CLIP4: variants seen among roughly 807,000 people sequenced by gnomAD.
CLIP4 encodes the protein CAP-Gly domain-containing linker protein 4.
Under a neutral mutation model 73.1 loss-of-function variants are expected in CLIP4, and 47 were observed. The ratio of observed to expected loss-of-function variants is 0.64; its 90% CI spans 0.51 to 0.82. The LOEUF (loss-of-function observed/expected upper bound fraction) is 0.82, where lower values mean the gene tolerates loss of function less well. Among genes scored for constraint, CLIP4 ranks in the 40% least tolerant of loss-of-function variants. The pLI, the probability that CLIP4 is intolerant of heterozygous loss-of-function variation, is 0.00. For synonymous variants in CLIP4, 306 were observed against 295.4 expected (o/e 1.04, Z -0.37); for missense variants, 874 against 852.9 (o/e 1.02, Z -0.31).
chr2:29,154,361 A>C (rs1360218290), intron 9 of CLIP4, among the ~76,000 whole-genome samples: 5 of 152,074 alleles, frequency 3.3e-5, no homozygotes, highest in Non-Finnish European at 7.4e-5. Context: ...CTTGTTTCCC[A>C]TCCAGTCCCC....
At chr2:29,173,809 A>G (rs1218636222) in intron 14 of CLIP4, among the ~76,000 whole-genome samples, 3 of 152,210 alleles carry the variant, frequency 2.0e-5, no homozygotes, top group Non-Finnish European at 4.4e-5. Context: ...GGAGAGGCCA[A>G]CAATCAAAAG....
At position 29,177,552 on chromosome 2, in the gene CLIP4, G is replaced by T. The variant is rs115196538; in HGVS notation, c.1796+3107G>T. Among the ~76,000 whole-genome samples, 659 of 152,038 alleles carry T rather than the reference G, an allele frequency of 4.3e-3. 3 individuals are homozygous for T. Among genetic ancestry groups the T allele is most frequent in the African/African-American group, 0.015 (619 of 41,496 alleles). On this transcript the variant is annotated intron_variant, in intron 15 of 15. Transcript: ENST00000320081. ...GCCTAGATTGCTCCACTGCATTCCA[G>T]CCTGGGTGACAGCAAGACTCTGTTT...
At chr2:29,107,358 GTTTTTTTTTT>G (rs796180363) in intron 1 of CLIP4, among the ~76,000 whole-genome samples, 109 of 65,336 alleles carry the variant, frequency 1.7e-3, no homozygotes, top group Non-Finnish European at 2.9e-3. Context: ...GAACATGATA[GTTTTTTTTTT>G]TTTTTTTTTT....
intron 8 of CLIP4, among the ~76,000 whole-genome samples, chr2:29,150,477 G>C (rs1404716105): frequency 6.6e-6 from 1 of 152,016 alleles, no homozygotes; most frequent in Non-Finnish European, 1.5e-5. Context: ...ACATTATTAT[G>C]ACATTAATGA....
chr2:29,117,493 G>A (rs1663943268), intron 1 of CLIP4, among the ~76,000 whole-genome samples: 2 of 152,076 alleles, frequency 1.3e-5, no homozygotes, highest in Non-Finnish European at 2.9e-5. Flanking sequence ...ACAGGCGCCT[G>A]CTACCACACC....
intron 12 of CLIP4, among the ~76,000 whole-genome samples, chr2:29,161,358 A>G (rs1667279175): frequency 6.6e-6 from 1 of 152,202 alleles, no homozygotes; most frequent in Non-Finnish European, 1.5e-5. Context: ...TTTAGATAGC[A>G]ATATGCTATT....
intron 8 of CLIP4, among the ~76,000 whole-genome samples, chr2:29,149,665 A>G (rs1223065847): frequency 6.6e-6 from 1 of 151,640 alleles, no homozygotes; most frequent in African/African-American, 2.4e-5. Flanking sequence ...GAGGCCGCCC[A>G]TATGCTATGC....
chr2:29,110,411 CAT>C lies in CLIP4; in HGVS notation c.-15-10961_-15-10960del, dbSNP rs1355967568. Among the ~76,000 whole-genome samples, 5 of 152,196 alleles carry C rather than the reference CAT, an allele frequency of 3.3e-5. No homozygotes were observed. In the East Asian group the frequency reaches 9.6e-4, roughly 29 times the overall value. ...TGTGAATTTACTTAATAAATGATAT[CAT>C]AAACTTTTTGAAGAATGAAGACAGG... On this transcript the variant is annotated intron_variant, in intron 1 of 14. Coordinates refer to the CLIP4 transcript ENST00000401605.
intron 8 of CLIP4, among the ~76,000 whole-genome samples, chr2:29,151,125 T>G (rs1490923030): frequency 1.3e-5 from 2 of 152,166 alleles, no homozygotes; most frequent in African/African-American, 4.8e-5. Flanking sequence ...TTCTCATGAT[T>G]CATTTCCAGA....
At chr2:29,138,810 G>C (rs2147975948) in intron 6 of CLIP4, among the ~76,000 whole-genome samples, 1 of 152,106 alleles carries the variant, frequency 6.6e-6, no homozygotes, top group Middle Eastern at 3.4e-3. Flanking sequence ...GAGTGTTATT[G>C]GTGTATAGAA....
chr2:29,155,282 A>G (rs1666845318), intron 9 of CLIP4, among the ~76,000 whole-genome samples: 1 of 152,166 alleles, frequency 6.6e-6, no homozygotes, highest in South Asian at 2.1e-4. Flanking sequence ...GGCTAACAGA[A>G]CAAGACCCTG....
At chr2:29,101,528 T>C (rs1016307475) in intron 1 of CLIP4, among the ~76,000 whole-genome samples, 3 of 152,106 alleles carry the variant, frequency 2.0e-5, no homozygotes, top group Non-Finnish European at 4.4e-5. Context: ...TGCCTGCTTT[T>C]ATCCTGGCCA....
intron 15 of CLIP4, among the ~76,000 whole-genome samples, chr2:29,176,685 GAT>G (rs1668363772): frequency 6.6e-6 from 1 of 152,186 alleles, no homozygotes; most frequent in African/African-American, 2.4e-5. Flanking sequence ...ATGAGGCGTT[GAT>G]TCTCCTTCAC....
intron 4 of CLIP4, 167 bp downstream of exon 4, chr2:29,132,412 T>G (rs1665041198): frequency 1.6e-6 from 1 of 613,272 alleles, no homozygotes; most frequent in South Asian, 2.0e-5. Context: ...CATATTCCCT[T>G]TAATCAAGGA....
chr2:29,124,586 G>A (rs1177984350), intron 2 of CLIP4, among the ~76,000 whole-genome samples: 1 of 100,812 alleles, frequency 9.9e-6, no homozygotes, highest in Non-Finnish European at 2.4e-5. Context: ...ATTATAGACT[G>A]CTTGAAGTTG....
At chr2:29,125,739 G>C (rs1441872470) in intron 2 of CLIP4, among the ~76,000 whole-genome samples, 3 of 152,002 alleles carry the variant, frequency 2.0e-5, no homozygotes, top group Non-Finnish European at 4.4e-5. Flanking sequence ...CTAACATCCC[G>C]TGTCTTGAAA....
chr2:29,129,290 CAAT>C (rs997423857), intron 2 of CLIP4, among the ~76,000 whole-genome samples: 3 of 152,104 alleles, frequency 2.0e-5, no homozygotes, highest in Admixed American at 2.0e-4. Flanking sequence ...ACTAAACCAA[CAAT>C]GTTTTTGTTT....
rs377390492 is a variant in CLIP4, at chr2:29,123,841, G to A, written c.133+2320G>A. Reference sequence around the variant, plus strand: ...ACCAGTCCACAGAAACCAGAGTTGAGGCATGTGACTCAGTGTTGACTCTCA... The same window carrying A: ...ACCAGTCCACAGAAACCAGAGTTGAAGCATGTGACTCAGTGTTGACTCTCA... On this transcript the variant is annotated intron_variant, in intron 2 of 15. Transcript: ENST00000320081. 2.5e-4 allele frequency among the ~76,000 whole-genome samples: 38 copies of A among 152,224 alleles called. No homozygotes were observed. In the East Asian group the frequency reaches 7.1e-3, roughly 29 times the overall value.
intron 2 of CLIP4, among the ~76,000 whole-genome samples, chr2:29,125,088 T>C (rs1322056946): frequency 6.6e-6 from 1 of 152,158 alleles, no homozygotes; most frequent in Non-Finnish European, 1.5e-5. Flanking sequence ...GTCCTACTTT[T>C]CTGATTTGTT....
Sources: gnomAD v4.1 joint callset for allele counts (sites outside exome capture counted in the v4.1 genomes callset) on GRCh38, gnomAD v4.1.1 for gene constraint, MANE v1.5 for transcripts, NCBI Gene and HGNC (gene_info 2026-07-23, HGNC 2026-07-21) for gene names.